The following FHIT variants were observed in gnomAD, a reference collection of about 807,000 sequenced individuals.
The protein encoded by FHIT is bis(5'-adenosyl)-triphosphatase.
In FHIT, 19 loss-of-function variants were observed where a neutral mutation model predicts 17.9. The observed-to-expected ratio is 1.06, with a 90% confidence interval of 0.74 to 1.56. The LOEUF (loss-of-function observed/expected upper bound fraction) is 1.56, where lower values mean the gene tolerates loss of function less well. Ranked by LOEUF, FHIT falls within the 40% of genes most tolerant of loss-of-function variation. The pLI, the probability that FHIT is intolerant of heterozygous loss-of-function variation, is 0.00. For missense variants in FHIT, 248 were observed against 189.2 expected, an observed-to-expected ratio of 1.31 and a Z score of -1.82; for synonymous variants, 81 against 69.7, an observed-to-expected ratio of 1.16 and a Z score of -0.81.
At chr3:60,761,101 T>C (rs563463149) in intron 4 of FHIT, among the ~76,000 whole-genome samples, 3 of 152,286 alleles carry the variant, frequency 2.0e-5, no homozygotes, top group Non-Finnish European at 2.9e-5. Flanking sequence ...GAAAGACTAA[T>C]GACCTTTGAC....
intron 3 of FHIT, among the ~76,000 whole-genome samples, chr3:60,828,252 A>T (rs1352412285): frequency 1.3e-5 from 2 of 152,156 alleles, no homozygotes; most frequent in African/African-American, 4.8e-5. Context: ...TTTTAACATT[A>T]TCATTCACCT....
chr3:60,327,413 T>C (rs1457864816), intron 5 of FHIT, among the ~76,000 whole-genome samples: 1 of 152,200 alleles, frequency 6.6e-6, no homozygotes, highest in Non-Finnish European at 1.5e-5. Context: ...TACTTAGCTC[T>C]GACACCGTAG....
intron 2 of FHIT, among the ~76,000 whole-genome samples, chr3:61,068,260 G>A (rs143276087): frequency 2.6e-5 from 4 of 152,272 alleles, no homozygotes; most frequent in Admixed American, 1.3e-4. Flanking sequence ...AGTCTCTAAG[G>A]AAGAATGTTT....
Position 60,620,585 on chromosome 3 carries a change from GA to G in FHIT, c.-17-83607del, listed in dbSNP as rs562373515. Among the ~76,000 whole-genome samples the G allele has an allele frequency of 8.2e-3, 1,094 of 134,128 alleles. 7 individuals are homozygous for G. The highest frequency in any genetic ancestry group is 0.027 in the South Asian group (109 of 4,096). The allele number at this position is 134,128 out of a possible 152,430, so 88.0% of individuals were successfully genotyped here. A position where few individuals can be genotyped will look rare whatever the true frequency, so the allele number is the denominator to read the frequency against. On this transcript the variant is annotated intron_variant, in intron 4 of 9. Coordinates refer to ENST00000492590, the MANE Select transcript of FHIT (RefSeq NM_002012.4). ...GTGATTCCAGTGATGGGATACATTG[GA>G]AAAAAAAAAAAAACTATGAAGAGAA...
chr3:60,337,088 C>T (rs1236881243), intron 5 of FHIT, among the ~76,000 whole-genome samples: 1 of 152,132 alleles, frequency 6.6e-6, no homozygotes, highest in South Asian at 2.1e-4. Flanking sequence ...TGCTTTTCTA[C>T]AAGACGGAGG....
chr3:60,501,588 C>A (rs1401010200), intron 5 of FHIT, among the ~76,000 whole-genome samples: 1 of 152,188 alleles, frequency 6.6e-6, no homozygotes, highest in Non-Finnish European at 1.5e-5. Flanking sequence ...CACTTCCTGG[C>A]TCCTACGCTC....
intron 4 of FHIT, among the ~76,000 whole-genome samples, chr3:60,668,146 G>A (rs1402827233): frequency 2.0e-5 from 3 of 151,678 alleles, no homozygotes; most frequent in African/African-American, 7.3e-5. Flanking sequence ...GGCACACAGA[G>A]AAAAAGAGGC....
At chr3:61,197,676 T>C (rs1289936423) in intron 2 of FHIT, among the ~76,000 whole-genome samples, 2 of 152,128 alleles carry the variant, frequency 1.3e-5, no homozygotes, top group South Asian at 2.1e-4. Flanking sequence ...AAGAACAGTG[T>C]TCAAATGAGA....
At chr3:60,154,588 T>C (rs746433909) in intron 5 of FHIT, among the ~76,000 whole-genome samples, 5 of 152,212 alleles carry the variant, frequency 3.3e-5, no homozygotes, top group Non-Finnish European at 4.4e-5. Context: ...CAAGCTGTTA[T>C]TAGATTTCAA....
At chr3:59,753,119 T>G (rs552078538) in intron 8 of FHIT, among the ~76,000 whole-genome samples, 22 of 147,700 alleles carry the variant, frequency 1.5e-4, no homozygotes, top group Admixed American at 1.4e-3. Context: ...GTGGTTTACC[T>G]CCTACTCTCT....
At chr3:60,460,090 C>T (rs71313771) in intron 5 of FHIT, among the ~76,000 whole-genome samples, 4,535 of 152,238 alleles carry the variant, frequency 0.03, 94 homozygotes, top group Non-Finnish European at 0.046. Flanking sequence ...TTCAGAAGTT[C>T]GTAACTGGCA....
chr3:60,101,592 G>A (rs183853531), intron 5 of FHIT, among the ~76,000 whole-genome samples: 5 of 152,010 alleles, frequency 3.3e-5, no homozygotes, highest in South Asian at 4.2e-4. Context: ...TTGTCTTTAC[G>A]TATTGACTTA....
rs150460373 is a variant in FHIT, at chr3:60,148,172, G to A, written c.104-134020C>T. On this transcript the variant is annotated intron_variant, in intron 5 of 9. Transcript: ENST00000492590. Reference sequence around the variant, plus strand: ...AATGTAAACCTACAATTCCAGAGGCGAAAAGGAAAAAGAAATGCTAAATGG... The same window carrying A: ...AATGTAAACCTACAATTCCAGAGGCAAAAAGGAAAAAGAAATGCTAAATGG... Among the ~76,000 whole-genome samples the A allele has an allele frequency of 1.3e-3, 202 of 152,082 alleles. 3 individuals carry two copies. In the East Asian group the frequency reaches 0.035, roughly 27 times the overall value.
chr3:60,316,916 G>A (rs1487165535), intron 5 of FHIT, among the ~76,000 whole-genome samples: 2 of 152,298 alleles, frequency 1.3e-5, no homozygotes, highest in Admixed American at 6.5e-5. Flanking sequence ...TAAATAGAGC[G>A]ATCCTGTAGT....
intron 2 of FHIT, among the ~76,000 whole-genome samples, chr3:61,148,698 T>C (rs987335201): frequency 6.6e-6 from 1 of 152,196 alleles, no homozygotes; most frequent in Non-Finnish European, 1.5e-5. Flanking sequence ...GCATATGCAA[T>C]AATTTCTCTT....
chr3:60,229,217 G>A lies in FHIT; in HGVS notation c.104-215065C>T, dbSNP rs923023780. ...AGATTACTTGAGGCAAGGAGTTTGAGACCAGCCTGGGCAACATGGTGAAAC... is the reference window on the plus strand; with the variant it reads ...AGATTACTTGAGGCAAGGAGTTTGAAACCAGCCTGGGCAACATGGTGAAAC... On this transcript the variant is annotated intron_variant, in intron 5 of 9. Transcript: ENST00000492590. Among the ~76,000 whole-genome samples the A allele has an allele frequency of 2.0e-5, 3 of 152,070 alleles. 1 individual carries two copies. The highest frequency in any genetic ancestry group is 4.8e-5 in the African/African-American group (2 of 41,424).
chr3:60,955,856 A>G (rs1459233028), intron 3 of FHIT, among the ~76,000 whole-genome samples: 2 of 152,012 alleles, frequency 1.3e-5, no homozygotes, highest in Non-Finnish European at 2.9e-5. Flanking sequence ...TTAGTTTATT[A>G]TACTCCAAGC....
intron 3 of FHIT, among the ~76,000 whole-genome samples, chr3:60,924,861 T>A (rs1162892760): frequency 6.6e-6 from 1 of 152,022 alleles, no homozygotes; most frequent in Non-Finnish European, 1.5e-5. Context: ...GAGAAGTCCT[T>A]AAAGGACCTG....
rs1321730294 is a variant in FHIT, at chr3:61,005,400, T to C, written c.-111+36647A>G. On this transcript the variant is annotated intron_variant, in intron 3 of 9. Coordinates refer to ENST00000492590, the MANE Select transcript of FHIT (RefSeq NM_002012.4). ...TATATGATGATGAGGAGGAGCAGGA[T>C]GATAATGATTGTGATGGTGATGGTG... Among the ~76,000 whole-genome samples the C allele has an allele frequency of 2.6e-5, 4 of 152,186 alleles. No homozygotes were observed. In the East Asian group the frequency reaches 7.7e-4, roughly 29 times the overall value.
Sources: allele counts gnomAD v4.1 joint callset (sites outside exome capture counted in the v4.1 genomes callset), GRCh38; gene constraint gnomAD v4.1.1; transcripts MANE v1.5; gene names NCBI Gene and HGNC (gene_info 2026-07-23, HGNC 2026-07-21).